The following CNPY4 variants were observed in gnomAD, a reference collection of about 807,000 sequenced individuals.
The protein encoded by CNPY4 is canopy FGF signaling regulator 4, also known as protein canopy homolog 4.
Under a neutral mutation model 30.1 loss-of-function variants are expected in CNPY4, and 33 were observed. That is an observed-to-expected ratio of 1.10 (90% CI 0.83 to 1.46). The LOEUF is 1.46. CNPY4 is among the 40% of genes most tolerant of loss of function. CNPY4 has a pLI of 0.00. For synonymous variants in CNPY4, 109 were observed against 110.1 expected (o/e 0.99, Z 0.06); for missense variants, 324 against 302.6 (o/e 1.07, Z -0.52).
intron 1 of CNPY4, chr7:100,121,117 T>TATACATATA (rs1491228284): frequency 1.1e-3 from 40 of 35,124 alleles, no homozygotes; most frequent in Non-Finnish European, 1.7e-3. Flanking sequence ...TATATATATA[T>TATACATATA]TTTTTTTTTT....
rs1255989412 is a variant in CNPY4 at position 100,122,772 on chromosome 7, T to C, written c.343-12T>C. 46 of 1,608,792 alleles carry C rather than the reference T, an allele frequency of 2.9e-5. No individual in the cohort carries two copies. Among genetic ancestry groups the C allele is most frequent in the Non-Finnish European group, 3.7e-5 (44 of 1,177,312 alleles). ...GGTGAGCTGGGCTGATGCCAAATTC[T>C]TAATCTCTCAGGGTCAGAGTCAGAC... is the stretch of plus-strand genomic sequence containing the variant. On this transcript the variant is annotated splice_polypyrimidine_tract_variant and intron_variant, in intron 3 of 5. Coordinates refer to ENST00000262932, the MANE Select transcript of CNPY4 (RefSeq NM_152755.2).
chr7:100,123,974 C>G (rs963015774), intron 4 of CNPY4, among the ~76,000 whole-genome samples: 6 of 151,966 alleles, frequency 3.9e-5, no homozygotes, highest in Admixed American at 1.3e-4. Context: ...ACTAAAAATA[C>G]AAGAATTAGC....
intron 1 of CNPY4, chr7:100,121,116 A>ATATTTTTTTTTTTTTTT (rs1584585316): frequency 1.9e-5 from 1 of 52,800 alleles, no homozygotes; most frequent in African/African-American, 9.7e-5. Flanking sequence ...ATATATATAT[A>ATATTTTTTTTTTTTTTT]TTTTTTTTTT....
chr7:100,122,505 A>G lies in CNPY4; in HGVS notation c.270A>G (p.Leu90=). 1 of 1,613,676 alleles carries G rather than the reference A, an allele frequency of 6.2e-7. No individual in the cohort carries two copies. The highest frequency in any genetic ancestry group is 8.5e-7 in the Non-Finnish European group (1 of 1,179,776). Residue 90 remains leucine (L), a synonymous_variant, in exon 3 of 6, where the codon TTA becomes TTG. Coordinates refer to ENST00000262932, the MANE Select transcript of CNPY4 (RefSeq NM_152755.2). ...GAGAGACAAGGCTGGAAGAGGCCTT[A>G]GAGAATTTATGTGAGCGGATCCTGG... The part of the protein sequence containing the change: ...SVSETRLEEA[L]ENLCERILDY...
chr7:100,122,662 TCA>T, intron 3 of CNPY4, 85 bp downstream of exon 3: 2 of 1,509,060 alleles, frequency 1.3e-6, no homozygotes, highest in Non-Finnish European at 1.8e-6. Flanking sequence ...TATCTGCCCA[TCA>T]TCTCACCATC....
Position 100,122,781 on chromosome 7 carries a change from C to T in CNPY4, c.343-3C>T. 1 of 1,611,588 alleles carries T rather than the reference C, an allele frequency of 6.2e-7. No homozygotes were observed. Among genetic ancestry groups the T allele is most frequent in the Non-Finnish European group, 8.5e-7 (1 of 1,178,948 alleles). ...GGCTGATGCCAAATTCTTAATCTCTCAGGGTCAGAGTCAGACCATGGCAAC... is the reference window on the plus strand; with the variant it reads ...GGCTGATGCCAAATTCTTAATCTCTTAGGGTCAGAGTCAGACCATGGCAAC... On this transcript the variant is annotated splice_region_variant and splice_polypyrimidine_tract_variant and intron_variant, in intron 3 of 5. Transcript: ENST00000262932.
chr7:100,119,740 T>TA lies in CNPY4; in HGVS notation c.-5_-4insA. ...GCGGTGATTGTTTGTAGACGGCGCT[T>TA]TGTCATGGGACCTGTGCGGTTGGGA... On this transcript the variant is annotated 5_prime_UTR_variant, in exon 1 of 6. The change creates a new upstream start codon in the 5' untranslated region. Coordinates refer to ENST00000262932, the MANE Select transcript of CNPY4 (RefSeq NM_152755.2). 6.2e-7 allele frequency: 1 copy of TA among 1,614,208 alleles called. No homozygotes were observed. The highest frequency in any genetic ancestry group is 8.5e-7 in the Non-Finnish European group (1 of 1,180,024).
Position 100,122,282 on chromosome 7 carries a change from C to T in CNPY4, c.142C>T (p.Leu48=), listed in dbSNP as rs569562640. Residue 48 remains leucine (L), a synonymous_variant, in exon 2 of 6, where the codon CTA becomes TTA. Coordinates refer to ENST00000262932, the MANE Select transcript of CNPY4 (RefSeq NM_152755.2). ...AGTGTGTAAGCTGCTGAGCACAGAG[C>T]TACAGGCGGAACTGAGTCGCACCGG... ...CEVCKLLSTE[L]QAELSRTGRS... 8 of 1,614,096 alleles carry T rather than the reference C, an allele frequency of 5.0e-6. No homozygotes were observed. Among genetic ancestry groups the T allele is most frequent in the Middle Eastern group, 1.7e-4 (1 of 6,060 alleles).
Position 100,125,093 on chromosome 7 carries a change from G to C in CNPY4, c.*205G>C. 1 of 567,602 alleles carries C rather than the reference G, an allele frequency of 1.8e-6. No individual in the cohort carries two copies. Among genetic ancestry groups the C allele is most frequent in the Non-Finnish European group, 3.1e-6 (1 of 326,600 alleles). 35.2% of individuals were successfully genotyped at this position (567,602 alleles called of 1,614,324 possible). A position where few individuals can be genotyped will look rare whatever the true frequency, so the allele number is the denominator to read the frequency against. The stretch of plus-strand genomic sequence containing the variant: ...GGTGGAGGGTGGGGGTGGAGGTCCT[G>C]CTCCTAGAGATGAACTCTATCCAGC... On this transcript the variant is annotated 3_prime_UTR_variant, in exon 6 of 6. Transcript: ENST00000262932.
rs1173195646 is a variant in CNPY4 at position 100,119,820 on chromosome 7, G to A, written c.76G>A (p.Glu26Lys). 1.2e-6 allele frequency: 2 copies of A among 1,614,092 alleles called. No individual in the cohort carries two copies. Among genetic ancestry groups the A allele is most frequent in the Non-Finnish European group, 8.5e-7 (1 of 1,179,994 alleles). ...CGAGGCTTGGGCTGGGATGTTGAAG[G>A]AGGAGGACGATGACACAGAACGCTT... ...VHEAWAGMLKEEDDDTERLPS... is the reference protein window; with the variant it reads ...VHEAWAGMLKKEDDDTERLPS... Residue 26 changes from glutamate (E) to lysine (K), a missense_variant, in exon 1 of 6, where the codon GAG becomes AAG. By Grantham distance (56) the Glu-to-Lys change is moderately conservative. Transcript: ENST00000262932.
At position 100,122,515 on chromosome 7, in the gene CNPY4, T is replaced by C. The variant is rs761427171; in HGVS notation, c.280T>C (p.Cys94Arg). 1.4e-5 allele frequency: 23 copies of C among 1,614,036 alleles called. No homozygotes were observed. The highest frequency in any genetic ancestry group is 3.3e-5 in the South Asian group (3 of 91,056). Residue 94 changes from cysteine (C) to arginine (R), a missense_variant, in exon 3 of 6, where the codon TGT becomes CGT. Cys to Arg is a radical substitution (Grantham distance 180, BLOSUM62 -3). Coordinates refer to ENST00000262932, the MANE Select transcript of CNPY4 (RefSeq NM_152755.2). Reference sequence around the variant, plus strand: ...GCTGGAAGAGGCCTTAGAGAATTTATGTGAGCGGATCCTGGACTATAGTGT... The same window carrying C: ...GCTGGAAGAGGCCTTAGAGAATTTACGTGAGCGGATCCTGGACTATAGTGT... ...TRLEEALENL[C>R]ERILDYSVHA...
At position 100,119,737 on chromosome 7, in the gene CNPY4, G is replaced by C. The variant is rs2116878289; in HGVS notation, c.-8G>C. The C allele has an allele frequency of 6.2e-7, 1 of 1,614,158 alleles. No individual in the cohort carries two copies. Among genetic ancestry groups the C allele is most frequent in the Middle Eastern group, 1.6e-4 (1 of 6,062 alleles). On this transcript the variant is annotated 5_prime_UTR_variant, in exon 1 of 6. Transcript: ENST00000262932. ...CAAGCGGTGATTGTTTGTAGACGGC[G>C]CTTTGTCATGGGACCTGTGCGGTTG...
At position 100,125,379 on chromosome 7, in the gene CNPY4, G is replaced by A. The variant is rs74946837; in HGVS notation, c.*491G>A. On this transcript the variant is annotated 3_prime_UTR_variant, in exon 6 of 6. Transcript: ENST00000262932. ...ATGGGACACTGGGTCATGGCCTGGA[G>A]TTGCTGATAATTTAGGTGGGATAGA... 1 of 156,582 alleles carries A rather than the reference G, an allele frequency of 6.4e-6. No individual in the cohort carries two copies. The highest frequency in any genetic ancestry group is 2.4e-5 in the African/African-American group (1 of 41,510). The allele number at this position is 156,582 out of a possible 1,614,324, so 9.7% of individuals were successfully genotyped here. A position where few individuals can be genotyped will look rare whatever the true frequency, so the allele number is the denominator to read the frequency against.
In CNPY4 at chr7:100,120,645, C is replaced by T. The variant is rs537613812; in HGVS notation, c.118+783C>T. Among the ~76,000 whole-genome samples, 3 of 152,330 alleles carry T rather than the reference C, an allele frequency of 2.0e-5. No individual in the cohort carries two copies. In the South Asian group the frequency reaches 6.2e-4, roughly 32 times the overall value. ...TCTCCTTTCACCTCCGTGTGCCGCT[C>T]TTCTCCCCTGACCTGTCAATCTTTT... On this transcript the variant is annotated intron_variant, in intron 1 of 5. Coordinates refer to ENST00000262932, the MANE Select transcript of CNPY4 (RefSeq NM_152755.2).
intron 1 of CNPY4, chr7:100,120,124 G>A (rs1797987516): frequency 2.6e-6 from 1 of 382,414 alleles, no homozygotes; most frequent in Non-Finnish European, 4.7e-6. Context: ...TGTAGTTCAG[G>A]GACCATCGGC....
chr7:100,122,355 AGAG>A lies in CNPY4; in HGVS notation c.218_220del (p.Arg73del). On this transcript the variant is annotated inframe_deletion, in exon 2 of 6. Transcript: ENST00000262932. ...CTGGGGCAGGTGCTGGATACAGGCA[AGAG>A]GAAGAGACACGTGCCTTACAGCGTT... 6.2e-7 allele frequency: 1 copy of A among 1,614,132 alleles called. No homozygotes were observed. The highest frequency in any genetic ancestry group is 8.5e-7 in the Non-Finnish European group (1 of 1,180,006).
At chr7:100,120,837 G>C (rs1207931736) in intron 1 of CNPY4, among the ~76,000 whole-genome samples, 1 of 152,046 alleles carries the variant, frequency 6.6e-6, no homozygotes, top group East Asian at 1.9e-4. Flanking sequence ...TTCAGGCCCA[G>C]CTTCACCACA....
At chr7:100,123,010 G>C (rs1481078033) in intron 4 of CNPY4, 104 bp downstream of exon 4, 4 of 1,330,488 alleles carry the variant, frequency 3.0e-6, no homozygotes, top group Non-Finnish European at 4.1e-6. Context: ...TAAGCATGGG[G>C]AAGGGGCCAG....
intron 1 of CNPY4, chr7:100,120,521 C>T (rs1798004639): frequency 6.6e-6 from 1 of 152,310 alleles, no homozygotes; most frequent in Admixed American, 6.5e-5. Context: ...CTTTACGTTT[C>T]TTCCCTGGAT....
Sources: allele counts gnomAD v4.1 joint callset (sites outside exome capture counted in the v4.1 genomes callset), GRCh38; gene constraint gnomAD v4.1.1; transcripts MANE v1.5; gene names NCBI Gene and HGNC (gene_info 2026-07-23, HGNC 2026-07-21).